The following ITGA8 variants were observed in gnomAD, a reference collection of about 807,000 sequenced individuals.
ITGA8 encodes the protein integrin alpha-8.
ITGA8 carries 91 observed loss-of-function variants against 142.3 expected under a neutral mutation model. That is an observed-to-expected ratio of 0.64 (90% CI 0.54 to 0.76). The LOEUF (loss-of-function observed/expected upper bound fraction) is 0.76, where lower values mean the gene tolerates loss of function less well. ITGA8 is among the 30% of genes least tolerant of loss of function. The probability of loss-of-function intolerance (pLI) is 0.00; values close to 1 mark genes in which losing one functional copy is unlikely to be tolerated. For synonymous variants in ITGA8, 505 were observed against 485.2 expected (o/e 1.04, Z -0.54); for missense variants, 1,406 against 1,327.7 (o/e 1.06, Z -0.92).
At chr10:15,614,873 T>C (rs1186551078) in intron 14 of ITGA8, among the ~76,000 whole-genome samples, 1 of 151,984 alleles carries the variant, frequency 6.6e-6, no homozygotes, top group Non-Finnish European at 1.5e-5. Context: ...GAAAAGCAGG[T>C]GATAAAACGG....
intron 8 of ITGA8, among the ~76,000 whole-genome samples, chr10:15,668,724 A>G (rs1263924425): frequency 2.0e-5 from 3 of 152,060 alleles, no homozygotes; most frequent in Non-Finnish European, 4.4e-5. Context: ...GGTGGTGACA[A>G]AATCTCTCAG....
chr10:15,701,885 C>T (rs1258470719), intron 2 of ITGA8, among the ~76,000 whole-genome samples: 1 of 152,154 alleles, frequency 6.6e-6, no homozygotes, highest in African/African-American at 2.4e-5. Flanking sequence ...TAATCTTTAT[C>T]ATAGTCAAAT....
At position 15,589,310 on chromosome 10, in the gene ITGA8, A is replaced by G. The variant is rs147445130; in HGVS notation, c.2292-2646T>C. ...TGTCAGCAAAGATAACACAGTATTC[A>G]TCTCACCATTACTAAGGAAGAAACT... On this transcript the variant is annotated intron_variant, in intron 22 of 29. Coordinates refer to ENST00000378076, the MANE Select transcript of ITGA8 (RefSeq NM_003638.3). Among the ~76,000 whole-genome samples the G allele has an allele frequency of 4.3e-3, 654 of 152,262 alleles. 3 individuals carry two copies. Among genetic ancestry groups the G allele is most frequent in the African/African-American group, 0.015 (612 of 41,542 alleles).
At position 15,685,889 on chromosome 10, in the gene ITGA8, A is replaced by C. The variant is rs149973299; in HGVS notation, c.445-1762T>G. ...ATGGAAATCTTCTTCAAGTAAATGA[A>C]ATAACGAGAAATCCTCGTCAAGTAA... is the stretch of plus-strand genomic sequence containing the variant. On this transcript the variant is annotated intron_variant, in intron 3 of 29. Transcript: ENST00000378076. Among the ~76,000 whole-genome samples, 380 of 152,338 alleles carry C rather than the reference A, an allele frequency of 2.5e-3. 2 individuals are homozygous for C. The highest frequency in any genetic ancestry group is 8.7e-3 in the African/African-American group (362 of 41,588).
intron 14 of ITGA8, among the ~76,000 whole-genome samples, chr10:15,615,701 A>G (rs1833378790): frequency 6.6e-6 from 1 of 152,026 alleles, no homozygotes. Context: ...TTAAGTAGAG[A>G]TGGGGTTTTG....
chr10:15,651,715 C>A (rs960787280), intron 11 of ITGA8, among the ~76,000 whole-genome samples: 2 of 152,056 alleles, frequency 1.3e-5, no homozygotes, highest in African/African-American at 4.8e-5. Context: ...TGTGTGCGTG[C>A]AGGGAAGTCC....
At chr10:15,603,416 C>G (rs1008292857) in intron 20 of ITGA8, among the ~76,000 whole-genome samples, 4 of 152,140 alleles carry the variant, frequency 2.6e-5, no homozygotes, top group Non-Finnish European at 1.5e-5. Context: ...GGAGCACCTA[C>G]TCTACACCTC....
rs554278300 is a variant in ITGA8, at chr10:15,687,977, C to G, written c.405G>C (p.Trp135Cys). 2.0e-4 allele frequency: 315 copies of G among 1,613,794 alleles called. 6 individuals are homozygous for G. The South Asian group carries it at 3.0e-3, about 15-fold the overall frequency. Residue 135 changes from tryptophan (W) to cysteine (C), a missense_variant, in exon 3 of 30, where the codon TGG becomes TGC. Trp to Cys is a radical substitution (Grantham distance 215). Transcript: ENST00000378076. ...KEPIEFKSNQ[W>C]FGATVKAHKG... ...TGTGAGCTTTCACTGTTGCTCCAAACCACTGATTGGATTTGAACTCGATAG... is the reference window on the plus strand; with the variant it reads ...TGTGAGCTTTCACTGTTGCTCCAAAGCACTGATTGGATTTGAACTCGATAG...
chr10:15,522,395 T>G (rs1457105310), intron 28 of ITGA8, among the ~76,000 whole-genome samples: 1 of 152,098 alleles, frequency 6.6e-6, no homozygotes, highest in East Asian at 1.9e-4. Flanking sequence ...CAGCATGAAG[T>G]GGTATTTCAA....
intron 8 of ITGA8, among the ~76,000 whole-genome samples, chr10:15,663,552 C>T (rs561923374): frequency 6.6e-6 from 1 of 150,542 alleles, no homozygotes; most frequent in Non-Finnish European, 1.5e-5. Context: ...GAATGCTATT[C>T]TTGAGAGCTT....
chr10:15,609,838 T>C (rs888911371), intron 15 of ITGA8, among the ~76,000 whole-genome samples: 2 of 152,234 alleles, frequency 1.3e-5, no homozygotes, highest in Admixed American at 6.5e-5. Context: ...ATTATCAACA[T>C]ATATACATTA....
At chr10:15,597,414 G>C (rs1833028316) in intron 20 of ITGA8, 115 bp from the exon 21 acceptor site, 1 of 752,610 alleles carries the variant, frequency 1.3e-6, no homozygotes, top group Non-Finnish European at 2.3e-6. Context: ...GAGGGCGATA[G>C]TGCAAAAAAA....
At position 15,554,535 on chromosome 10, in the gene ITGA8, T is replaced by A. The variant is rs542089665; in HGVS notation, c.2766+3539A>T. On this transcript the variant is annotated intron_variant, in intron 26 of 29. Transcript: ENST00000378076. Reference sequence around the variant, plus strand: ...CTGTATTGGAACTCTGTGTCTGTCCTCCCCACCATGTGTGCACCCACACAC... The same window carrying A: ...CTGTATTGGAACTCTGTGTCTGTCCACCCCACCATGTGTGCACCCACACAC... Among the ~76,000 whole-genome samples the A allele has an allele frequency of 3.1e-4, 47 of 152,212 alleles. No homozygotes were observed. In the East Asian group the frequency reaches 8.5e-3, roughly 28 times the overall value.
chr10:15,639,980 T>C (rs184749083), intron 13 of ITGA8, among the ~76,000 whole-genome samples: 33 of 152,198 alleles, frequency 2.2e-4, no homozygotes, highest in East Asian at 2.1e-3. Context: ...ATCAACTCCA[T>C]TGGGGATGGC....
Position 15,619,968 on chromosome 10 carries a change from G to A in ITGA8, c.1400-3409C>T, listed in dbSNP as rs145385914. 1.9e-3 allele frequency among the ~76,000 whole-genome samples: 289 copies of A among 152,296 alleles called. 2 individuals are homozygous for A. Among genetic ancestry groups the A allele is most frequent in the Middle Eastern group, 3.4e-3 (1 of 294 alleles). ...ATTAGACATTTTATAAATAACAGGCGAATTTTAAGAATTGATTCTCTGGAA... is the reference window on the plus strand; with the variant it reads ...ATTAGACATTTTATAAATAACAGGCAAATTTTAAGAATTGATTCTCTGGAA... On this transcript the variant is annotated intron_variant, in intron 13 of 29. Coordinates refer to ENST00000378076, the MANE Select transcript of ITGA8 (RefSeq NM_003638.3).
chr10:15,549,501 A>G (rs1483553956), intron 26 of ITGA8, among the ~76,000 whole-genome samples: 2 of 152,134 alleles, frequency 1.3e-5, no homozygotes, highest in Non-Finnish European at 2.9e-5. Context: ...ATGAACCACC[A>G]TGCCTGGCCT....
At chr10:15,603,174 A>T (rs190610234) in intron 20 of ITGA8, among the ~76,000 whole-genome samples, 1 of 152,346 alleles carries the variant, frequency 6.6e-6, no homozygotes, top group Non-Finnish European at 1.5e-5. Flanking sequence ...ACAAACAAAA[A>T]TCATGAGACT....
At chr10:15,576,950 T>C (rs1173312616) in intron 23 of ITGA8, among the ~76,000 whole-genome samples, 1 of 152,224 alleles carries the variant, frequency 6.6e-6, no homozygotes, top group Non-Finnish European at 1.5e-5. Flanking sequence ...TTTGTCATTA[T>C]GCTATGTTCC....
At chr10:15,651,652 G>A (rs1433618694) in intron 11 of ITGA8, among the ~76,000 whole-genome samples, 1 of 151,588 alleles carries the variant, frequency 6.6e-6, no homozygotes, top group African/African-American at 2.4e-5. Context: ...GTGTACAAAT[G>A]TACTTAACTA....
Sources: allele counts gnomAD v4.1 joint callset (sites outside exome capture counted in the v4.1 genomes callset), GRCh38; gene constraint gnomAD v4.1.1; transcripts MANE v1.5; gene names NCBI Gene and HGNC (gene_info 2026-07-23, HGNC 2026-07-21).